CNTNAP4: variants seen among roughly 807,000 people sequenced by gnomAD.
CNTNAP4 encodes contactin-associated protein-like 4.
CNTNAP4 carries 98 observed loss-of-function variants against 148.4 expected under a neutral mutation model. That is an observed-to-expected ratio of 0.66 (90% CI 0.56 to 0.78). The LOEUF (loss-of-function observed/expected upper bound fraction) is 0.78. Among genes scored for constraint, CNTNAP4 ranks in the 30% least tolerant of loss-of-function variants. The pLI, the probability that CNTNAP4 is intolerant of heterozygous loss-of-function variation, is 0.00. For synonymous variants in CNTNAP4, 730 were observed against 565.1 expected (o/e 1.29, Z -4.14); for missense variants, 1,935 against 1,565.6 (o/e 1.24, Z -3.98).
intron 19 of CNTNAP4, 45 bp from the exon 20 acceptor site, chr16:76,539,671 TCAA>T: frequency 6.6e-7 from 1 of 1,506,632 alleles, no homozygotes; most frequent in Non-Finnish European, 8.9e-7. Context: ...TAAGCCGCTC[TCAA>T]AGTACGATTT....
At chr16:76,528,971 C>T (rs985727904) in intron 17 of CNTNAP4, among the ~76,000 whole-genome samples, 2 of 152,096 alleles carry the variant, frequency 1.3e-5, no homozygotes, top group South Asian at 2.1e-4. Context: ...TGTAGGATGT[C>T]ATGCAAAGTA....
intron 3 of CNTNAP4, among the ~76,000 whole-genome samples, chr16:76,394,020 G>T (rs1479229431): frequency 1.3e-5 from 2 of 152,098 alleles, no homozygotes; most frequent in Non-Finnish European, 2.9e-5. Flanking sequence ...GTCTTCATGG[G>T]GATGAACAAG....
Position 76,365,751 on chromosome 16 carries a change from C to CAAAAAA in CNTNAP4, c.390+10254_390+10259dup, listed in dbSNP as rs35586454. On this transcript the variant is annotated intron_variant, in intron 3 of 23. Transcript: ENST00000611870. ...TGGGGGACAGAGTGAGACTCCGTCT[C>CAAAAAA]AAAAAAAAAAAAAAAAAAACCTAAG... Among the ~76,000 whole-genome samples the CAAAAAA allele has an allele frequency of 2.5e-3, 247 of 99,462 alleles. 3 individuals carry two copies. Among genetic ancestry groups the CAAAAAA allele is most frequent in the Non-Finnish European group, 3.6e-3 (174 of 48,340 alleles). 65.3% of individuals were successfully genotyped at this position (99,462 alleles called of 152,430 possible).
intron 15 of CNTNAP4, among the ~76,000 whole-genome samples, chr16:76,512,730 A>C (rs2083076156): frequency 6.6e-6 from 1 of 152,142 alleles, no homozygotes; most frequent in Admixed American, 6.5e-5. Context: ...GCTTTGGGGC[A>C]ATTAAGTATG....
chr16:76,489,110 T>C (rs1437733727), intron 12 of CNTNAP4, among the ~76,000 whole-genome samples: 3 of 152,186 alleles, frequency 2.0e-5, no homozygotes, highest in Non-Finnish European at 2.9e-5. Flanking sequence ...AGGAGAGGTA[T>C]ATAGAGGGCT....
At chr16:76,419,379 C>T (rs529520989) in intron 3 of CNTNAP4, among the ~76,000 whole-genome samples, 3 of 151,994 alleles carry the variant, frequency 2.0e-5, no homozygotes, top group Non-Finnish European at 2.9e-5. Context: ...CACAGTCATT[C>T]CCTTTCCCAC....
At chr16:76,502,680 C>T (rs533975775) in intron 15 of CNTNAP4, among the ~76,000 whole-genome samples, 4 of 152,138 alleles carry the variant, frequency 2.6e-5, no homozygotes, top group East Asian at 1.9e-4. Flanking sequence ...GGATCAACTA[C>T]GAGGTAAATT....
chr16:76,372,351 T>C (rs909925496), intron 3 of CNTNAP4, among the ~76,000 whole-genome samples: 11 of 151,270 alleles, frequency 7.3e-5, no homozygotes, highest in Non-Finnish European at 1.2e-4. Context: ...AGTTTCACTG[T>C]GTTAGCCAGG....
chr16:76,470,645 C>T (rs62050089), intron 10 of CNTNAP4, among the ~76,000 whole-genome samples: 49,726 of 150,294 alleles, frequency 0.33, 9,818 homozygotes, highest in Non-Finnish European at 0.42. Flanking sequence ...AGTGAAACGC[C>T]GTCTCGAAAA....
rs543934059 is a variant in CNTNAP4 at position 76,472,338 on chromosome 16, A to G, written c.1656-3601A>G. 1.6e-4 allele frequency among the ~76,000 whole-genome samples: 25 copies of G among 152,192 alleles called. No homozygotes were observed. The South Asian group carries it at 5.2e-3, about 32-fold the overall frequency. ...TTTGAATTAAAAATAGGAAAAATCTAGTCTAACAAGAATCAAGAAAAATTG... is the reference window on the plus strand; with the variant it reads ...TTTGAATTAAAAATAGGAAAAATCTGGTCTAACAAGAATCAAGAAAAATTG... On this transcript the variant is annotated intron_variant, in intron 10 of 23. Transcript: ENST00000611870.
At chr16:76,554,005 T>TC in intron 23 of CNTNAP4, 98 bp downstream of exon 23, 1 of 734,238 alleles carries the variant, frequency 1.4e-6, no homozygotes, top group South Asian at 1.7e-5. Flanking sequence ...CTGCACATAC[T>TC]CCAAGTGCCA....
chr16:76,441,555 T>C (rs2143026131), intron 4 of CNTNAP4, among the ~76,000 whole-genome samples: 1 of 152,196 alleles, frequency 6.6e-6, no homozygotes, highest in East Asian at 1.9e-4. Flanking sequence ...TGAGGGGGAA[T>C]CAGGTCACCA....
chr16:76,522,330 C>A, intron 17 of CNTNAP4, 73 bp downstream of exon 17: 3 of 1,203,308 alleles, frequency 2.5e-6, no homozygotes, highest in Non-Finnish European at 3.6e-6. Context: ...AAAATAATAC[C>A]AACTATAGAA....
chr16:76,373,475 C>A (rs2015080641), intron 3 of CNTNAP4, among the ~76,000 whole-genome samples: 1 of 152,052 alleles, frequency 6.6e-6, no homozygotes, highest in Non-Finnish European at 1.5e-5. Context: ...TTATTATCTG[C>A]ACTAAATTTA....
intron 3 of CNTNAP4, among the ~76,000 whole-genome samples, chr16:76,392,376 C>G (rs1281799109): frequency 2.0e-5 from 3 of 152,104 alleles, no homozygotes; most frequent in Non-Finnish European, 2.9e-5. Context: ...CCAATATGAA[C>G]TCCCAAATCA....
chr16:76,480,168 A>G (rs1006442944), intron 12 of CNTNAP4, among the ~76,000 whole-genome samples: 4 of 152,052 alleles, frequency 2.6e-5, no homozygotes, highest in Non-Finnish European at 4.4e-5. Flanking sequence ...AATATTGGGG[A>G]AAAAAAAGAC....
intron 14 of CNTNAP4, 192 bp downstream of exon 14, chr16:76,495,258 C>T: frequency 4.4e-6 from 2 of 459,226 alleles, no homozygotes; most frequent in Non-Finnish European, 7.6e-6. Context: ...GAGTTATTTT[C>T]TGTAATGGAC....
chr16:76,354,736 A>C (rs901645381), intron 2 of CNTNAP4, among the ~76,000 whole-genome samples: 1 of 152,184 alleles, frequency 6.6e-6, no homozygotes, highest in Non-Finnish European at 1.5e-5. Context: ...TCTCCTGCAA[A>C]CACGCCATCA....
At position 76,449,804 on chromosome 16, in the gene CNTNAP4, T is replaced by C. The variant is rs764528421; in HGVS notation, c.1017T>C (p.Asn339=). The C allele has an allele frequency of 6.2e-7, 1 of 1,605,608 alleles. No homozygotes were observed. Among genetic ancestry groups the C allele is most frequent in the Non-Finnish European group, 8.5e-7 (1 of 1,175,844 alleles). The stretch of plus-strand genomic sequence containing the variant: ...GATGTTTAGAAAATCTCTATTATAA[T>C]GGAGTGGATATCATTGATTTGGCCA... The part of the protein sequence containing the change: ...FHGCLENLYY[N]GVDIIDLAKQ... The change falls in exon 7 of 24, where the codon AAT becomes AAC. Residue 339 remains asparagine, a synonymous_variant. Transcript: ENST00000611870.
Sources: allele counts gnomAD v4.1 joint callset (sites outside exome capture counted in the v4.1 genomes callset), GRCh38; gene constraint gnomAD v4.1.1; transcripts MANE v1.5; gene names NCBI Gene and HGNC (gene_info 2026-07-23, HGNC 2026-07-21).